Variants in SLC22A2 observed in about 807,000 individuals in gnomAD.
The protein encoded by SLC22A2 is organic cation transporter 2.
SLC22A2 carries 46 observed loss-of-function variants against 60.5 expected under a neutral mutation model. That is an observed-to-expected ratio of 0.76 (90% CI 0.60 to 0.97). The LOEUF (loss-of-function observed/expected upper bound fraction) is 0.97. SLC22A2 is among the 50% of genes least tolerant of loss of function. The pLI is 0.00. For synonymous variants in SLC22A2, 303 were observed against 267.0 expected, an observed-to-expected ratio of 1.13 and a Z score of -1.31; for missense variants, 701 against 706.6, an observed-to-expected ratio of 0.99 and a Z score of 0.09.
Position 160,243,635 on chromosome 6 carries a change from G to C in SLC22A2, c.1216C>G (p.Pro406Ala), listed in dbSNP as rs374403241. 12 of 1,613,924 alleles carry C rather than the reference G, an allele frequency of 7.4e-6. No individual in the cohort carries two copies. In the African/African-American group the frequency reaches 1.6e-4, roughly 22 times the overall value. Residue 406 changes from proline to alanine, a missense_variant, in exon 7 of 11, where the codon CCT becomes GCT. By Grantham distance (27) the Pro-to-Ala change is conservative (BLOSUM62 -1). Coordinates refer to ENST00000366953, the MANE Select transcript of SLC22A2 (RefSeq NM_003058.4). ...GCAACCATATTTGATGCAGCCCAAG[G>C]GTAACGGCGTCCGATGCGGTCGATG... ...LTIDRIGRRY[P>A]WAASNMVAGA...
At chr6:160,222,321 A>T (rs1782656014) in intron 10 of SLC22A2, among the ~76,000 whole-genome samples, 1 of 152,210 alleles carries the variant, frequency 6.6e-6, no homozygotes. Context: ...TTTACAGATG[A>T]GGAAACTGAG....
In SLC22A2 at chr6:160,220,343, G is replaced by A. The variant is rs1782625640; in HGVS notation, c.1602-2845C>T. ...TGAAGCAATTCAGTCACATCTTCGG[G>A]CTCTACTTCTAATTCTAGTTCTTTT... On this transcript the variant is annotated intron_variant, in intron 10 of 10. Transcript: ENST00000366953. Among the ~76,000 whole-genome samples, 4 of 152,238 alleles carry A rather than the reference G, an allele frequency of 2.6e-5. No homozygotes were observed. In the South Asian group the frequency reaches 8.3e-4, roughly 32 times the overall value.
chr6:160,218,523 CAACAGT>C (rs1235751857), intron 10 of SLC22A2, among the ~76,000 whole-genome samples: 4 of 151,782 alleles, frequency 2.6e-5, no homozygotes, highest in Admixed American at 1.3e-4. Context: ...ATAGCAACAG[CAACAGT>C]AACAGTAGCA....
At chr6:160,243,306 C>G (rs560771076) in intron 7 of SLC22A2, among the ~76,000 whole-genome samples, 1 of 152,184 alleles carries the variant, frequency 6.6e-6, no homozygotes, top group Non-Finnish European at 1.5e-5. Context: ...GGCCCATGCT[C>G]TCTGCTCCAG....
intron 10 of SLC22A2, among the ~76,000 whole-genome samples, chr6:160,223,082 A>T (rs887685035): frequency 1.3e-5 from 2 of 152,208 alleles, no homozygotes; most frequent in African/African-American, 4.8e-5. Flanking sequence ...AATGTTAAAC[A>T]TGAAGGTTTG....
At chr6:160,227,436 T>C (rs1782741556) in intron 9 of SLC22A2, among the ~76,000 whole-genome samples, 1 of 152,228 alleles carries the variant, frequency 6.6e-6, no homozygotes. Flanking sequence ...GTCTTGCTTT[T>C]CTGGACCAAA....
At chr6:160,230,200 C>A (rs533004023) in intron 9 of SLC22A2, among the ~76,000 whole-genome samples, 1 of 151,808 alleles carries the variant, frequency 6.6e-6, no homozygotes, top group Non-Finnish European at 1.5e-5. Context: ...CCCTATAATT[C>A]TTTTTTCACC....
intron 10 of SLC22A2, among the ~76,000 whole-genome samples, chr6:160,222,058 T>TG (rs1782652848): frequency 6.6e-6 from 1 of 152,168 alleles, no homozygotes; most frequent in Non-Finnish European, 1.5e-5. Context: ...AGAAGGTGCA[T>TG]GGGAAGGGCA....
chr6:160,227,556 C>T (rs1782743585), intron 9 of SLC22A2, among the ~76,000 whole-genome samples: 1 of 152,246 alleles, frequency 6.6e-6, no homozygotes, highest in Non-Finnish European at 1.5e-5. Flanking sequence ...CCTCTTGAGA[C>T]TGTGCCTCAG....
Position 160,245,260 on chromosome 6 carries a change from C to A in SLC22A2, c.1064+179G>T, listed in dbSNP as rs892020046. 5.5e-4 allele frequency: 268 copies of A among 483,586 alleles called. 1 individual carries two copies. The East Asian group carries it at 9.0e-3, about 16-fold the overall frequency. 30.0% of individuals were successfully genotyped at this position (483,586 alleles called of 1,614,324 possible). ...CCTTGATCTGTGCTTAGGGGCTACACCGATCTTAATATTTGCCCAAGAAAA... is the reference window on the plus strand; with the variant it reads ...CCTTGATCTGTGCTTAGGGGCTACAACGATCTTAATATTTGCCCAAGAAAA... On this transcript the variant is annotated intron_variant, in intron 6 of 10. Coordinates refer to ENST00000366953, the MANE Select transcript of SLC22A2 (RefSeq NM_003058.4).
At chr6:160,236,823 A>G (rs1782919401) in intron 9 of SLC22A2, among the ~76,000 whole-genome samples, 1 of 109,168 alleles carries the variant, frequency 9.2e-6, no homozygotes, top group Non-Finnish European at 2.1e-5. Flanking sequence ...TACTCAACTT[A>G]TTGGTATTAG....
intron 10 of SLC22A2, among the ~76,000 whole-genome samples, chr6:160,224,038 T>C (rs1475953250): frequency 6.6e-6 from 1 of 152,192 alleles, no homozygotes; most frequent in African/African-American, 2.4e-5. Context: ...CCCATGTTTG[T>C]AATTTTTATA....
chr6:160,258,795 G>C lies in SLC22A2; in HGVS notation c.-38C>G. The C allele has an allele frequency of 6.6e-7, 1 of 1,507,622 alleles. No individual in the cohort carries two copies. The highest frequency in any genetic ancestry group is 8.9e-7 in the Non-Finnish European group (1 of 1,129,190). 93.4% of individuals were successfully genotyped at this position (1,507,622 alleles called of 1,614,324 possible). A position where few individuals can be genotyped will look rare whatever the true frequency, so the allele number is the denominator to read the frequency against. On this transcript the variant is annotated 5_prime_UTR_variant, in exon 1 of 11. Transcript: ENST00000366953. ...AGGAGGGCCCGAGGCTGCCCGACGT[G>C]CCCGGAGCGAGGCTGAGAGCGGCTG...
intron 6 of SLC22A2, chr6:160,245,099 A>T: frequency 6.1e-6 from 1 of 164,328 alleles, no homozygotes; most frequent in East Asian, 1.7e-4. Flanking sequence ...TATGCATTTG[A>T]ATCACCTGGA....
At position 160,217,420 on chromosome 6, in the gene SLC22A2, C is replaced by T. The variant is rs150706757; in HGVS notation, c.*12G>A. 231 of 1,568,130 alleles carry T rather than the reference C, an allele frequency of 1.5e-4. No individual in the cohort carries two copies. Among genetic ancestry groups the T allele is most frequent in the Non-Finnish European group, 1.8e-4 (200 of 1,140,390 alleles). ...CAAAGCTAGGTCATGACAGCAGCAACGGTCTCTCTTCTTAGTTCAATGGAA... is the reference window on the plus strand; with the variant it reads ...CAAAGCTAGGTCATGACAGCAGCAATGGTCTCTCTTCTTAGTTCAATGGAA... On this transcript the variant is annotated 3_prime_UTR_variant, in exon 11 of 11. Coordinates refer to ENST00000366953, the MANE Select transcript of SLC22A2 (RefSeq NM_003058.4).
At chr6:160,243,897 T>C in intron 6 of SLC22A2, 111 bp from the exon 7 acceptor site, 1 of 688,278 alleles carries the variant, frequency 1.5e-6, no homozygotes, top group Non-Finnish European at 2.5e-6. Context: ...CCTGTGACCA[T>C]CTCCTTGCTA....
intron 2 of SLC22A2, among the ~76,000 whole-genome samples, chr6:160,254,853 A>G (rs1260259763): frequency 6.6e-6 from 1 of 152,244 alleles, no homozygotes; most frequent in Non-Finnish European, 1.5e-5. Flanking sequence ...ATGCACTGTC[A>G]GTAGGGATTT....
At chr6:160,222,297 T>C (rs1299471250) in intron 10 of SLC22A2, among the ~76,000 whole-genome samples, 1 of 152,146 alleles carries the variant, frequency 6.6e-6, no homozygotes, top group Non-Finnish European at 1.5e-5. Flanking sequence ...AGTGAGTAGG[T>C]ACTGTTGTCC....
chr6:160,249,324 T>C lies in SLC22A2; in HGVS notation c.734A>G (p.Tyr245Cys), dbSNP rs1181930128. The C allele has an allele frequency of 1.9e-6, 3 of 1,613,610 alleles. No individual in the cohort carries two copies. Among genetic ancestry groups the C allele is most frequent in the Middle Eastern group, 1.7e-4 (1 of 6,058 alleles). Reference sequence around the variant, plus strand: ...AGCTAGCACCAGGAGCCCAACTGTATAGGCAACTTGGTAAAAAATCCCCAC... The same window carrying C: ...AGCTAGCACCAGGAGCCCAACTGTACAGGCAACTTGGTAAAAAATCCCCAC... ...RTVGIFYQVAYTVGLLVLAGV... is the reference protein window; with the variant it reads ...RTVGIFYQVACTVGLLVLAGV... Residue 245 changes from tyrosine (Y) to cysteine (C), a missense_variant, in exon 4 of 11, where the codon TAT becomes TGT. Tyr to Cys is a radical substitution (Grantham distance 194). Transcript: ENST00000366953.
Sources: gnomAD v4.1 joint callset for allele counts (sites outside exome capture counted in the v4.1 genomes callset) on GRCh38, gnomAD v4.1.1 for gene constraint, MANE v1.5 for transcripts, NCBI Gene and HGNC (gene_info 2026-07-23, HGNC 2026-07-21) for gene names.